Variants in GATM observed in about 807,000 individuals in gnomAD.
The protein encoded by GATM is glycine amidinotransferase, mitochondrial.
GATM carries 23 observed loss-of-function variants against 54.2 expected under a neutral mutation model. The observed-to-expected ratio is 0.42, with a 90% CI of 0.31 to 0.60. The LOEUF is 0.60. Among genes scored for constraint, GATM ranks in the 20% least tolerant of loss-of-function variants. The probability of loss-of-function intolerance (pLI) is 0.14; values close to 1 mark genes in which losing one functional copy is unlikely to be tolerated. For synonymous variants in GATM, 168 were observed against 183.1 expected, an observed-to-expected ratio of 0.92 and a Z score of 0.67; for missense variants, 401 against 544.9, an observed-to-expected ratio of 0.74 and a Z score of 2.63.
At chr15:45,395,628 C>T (rs1465046050) in intron 3 of GATM, among the ~76,000 whole-genome samples, 1 of 152,084 alleles carries the variant, frequency 6.6e-6, no homozygotes, top group Non-Finnish European at 1.5e-5. Context: ...GACAGTGCTA[C>T]AGGACCTCAG....
intron 3 of GATM, among the ~76,000 whole-genome samples, chr15:45,387,859 A>G (rs1217404355): frequency 6.6e-6 from 1 of 152,194 alleles, no homozygotes; most frequent in Non-Finnish European, 1.5e-5. Context: ...TGCTGAGATA[A>G]ATTCTCAGTG....
intron 4 of GATM, 33 bp from the exon 5 acceptor site, chr15:45,366,541 A>T: frequency 6.2e-7 from 1 of 1,612,520 alleles, no homozygotes. Context: ...CACACAATGC[A>T]CTGGATCATG....
At chr15:45,370,706 CTCAA>C (rs1889528362) in intron 2 of GATM, among the ~76,000 whole-genome samples, 1 of 152,188 alleles carries the variant, frequency 6.6e-6, no homozygotes, top group African/African-American at 2.4e-5. Flanking sequence ...TTTAAAATGG[CTCAA>C]TCAGTTTGCT....
Position 45,366,158 on chromosome 15 carries a change from T to C in GATM, c.866A>G (p.Tyr289Cys). ...TTTAAAGGAGATGATATGCACTCTG[T>C]AGTCTGGAGCAAGATGCCTACGCAT... ...EWMRRHLAPD[Y>C]RVHIISFKDP... The change falls in exon 6 of 9, where the codon TAC (tyrosine) becomes TGC (cysteine). Residue 289 changes from tyrosine (Y) to cysteine (C), a missense_variant. Transcript: ENST00000396659. 3 of 1,614,076 alleles carry C rather than the reference T, an allele frequency of 1.9e-6. No homozygotes were observed. The highest frequency in any genetic ancestry group is 1.1e-5 in the South Asian group (1 of 91,080).
At chr15:45,372,955 T>G (rs777484875) in intron 2 of GATM, among the ~76,000 whole-genome samples, 4 of 152,266 alleles carry the variant, frequency 2.6e-5, no homozygotes, top group African/African-American at 4.8e-5. Context: ...TAGCATATGA[T>G]GCTTTTAATA....
At chr15:45,383,572 G>T (rs1889770539) in intron 3 of GATM, among the ~76,000 whole-genome samples, 1 of 150,334 alleles carries the variant, frequency 6.7e-6, no homozygotes, top group Admixed American at 6.7e-5. Flanking sequence ...AAAGGCAAAG[G>T]CCAACCCATT....
In GATM at chr15:45,362,285, A is replaced by T. The variant is rs558420862; in HGVS notation, c.1160-64T>A. On this transcript the variant is annotated intron_variant, in intron 8 of 8. Transcript: ENST00000396659. Reference sequence around the variant, plus strand: ...ACATGACGATTCTCATAGAGAAAGTAGGCCTACAGACTTGGAGGAGTCCTG... The same window carrying T: ...ACATGACGATTCTCATAGAGAAAGTTGGCCTACAGACTTGGAGGAGTCCTG... 5.0e-6 allele frequency: 5 copies of T among 996,882 alleles called. No individual in the cohort carries two copies. In the African/African-American group the frequency reaches 6.4e-5, roughly 13 times the overall value. The allele number at this position is 996,882 out of a possible 1,614,324, so 61.8% of individuals were successfully genotyped here.
Position 45,371,229 on chromosome 15 carries a change from CCAAT to C in GATM, c.289-1712_289-1709del, listed in dbSNP as rs548648739. Among the ~76,000 whole-genome samples, 26 of 152,236 alleles carry C rather than the reference CCAAT, an allele frequency of 1.7e-4. No individual in the cohort carries two copies. In the South Asian group the frequency reaches 3.9e-3, roughly 23 times the overall value. ...TTTTCAAGCTAAATGAAGCAGAACG[CCAAT>C]CAGAGAATCCAGACTCTAAGAAAAA... On this transcript the variant is annotated intron_variant, in intron 2 of 8. Transcript: ENST00000396659.
chr15:45,366,175 C>G lies in GATM; in HGVS notation c.849G>C (p.Arg283Ser). The G allele has an allele frequency of 6.2e-7, 1 of 1,614,042 alleles. No homozygotes were observed. The highest frequency in any genetic ancestry group is 1.3e-5 in the African/African-American group (1 of 75,018). ...GCACTCTGTAGTCTGGAGCAAGATGCCTACGCATCCATTCAATGCCTAGGT... is the reference window on the plus strand; with the variant it reads ...GCACTCTGTAGTCTGGAGCAAGATGGCTACGCATCCATTCAATGCCTAGGT... ...TNYLGIEWMR[R>S]HLAPDYRVHI... The change falls in exon 6 of 9, where the codon AGG (arginine) becomes AGC (serine). Residue 283 changes from arginine to serine, a missense_variant. Arg to Ser is a moderately radical substitution (Grantham distance 110, BLOSUM62 -1). Coordinates refer to ENST00000396659, the MANE Select transcript of GATM (RefSeq NM_001482.3).
chr15:45,371,667 G>A (rs1477059330), intron 2 of GATM, among the ~76,000 whole-genome samples: 5 of 152,164 alleles, frequency 3.3e-5, no homozygotes, highest in East Asian at 3.9e-4. Flanking sequence ...ATCTGGACAA[G>A]CAGGACTAGA....
At chr15:45,394,293 A>G (rs1313098825) in intron 3 of GATM, among the ~76,000 whole-genome samples, 1 of 152,212 alleles carries the variant, frequency 6.6e-6, no homozygotes, top group African/African-American at 2.4e-5. Context: ...TTTAATGCCT[A>G]TCTGATGATC....
intron 3 of GATM, among the ~76,000 whole-genome samples, chr15:45,391,203 G>C (rs1305311920): frequency 1.3e-5 from 2 of 150,402 alleles, no homozygotes; most frequent in Non-Finnish European, 2.9e-5. Flanking sequence ...TCAGAAGTTT[G>C]AGACCAGCCT....
At chr15:45,383,506 T>C (rs957087280), upstream of GATM, among the ~76,000 whole-genome samples, 5 of 152,196 alleles carry the variant, frequency 3.3e-5, no homozygotes, top group African/African-American at 1.2e-4. Flanking sequence ...CAAATACCCT[T>C]CTGGAATTTA....
chr15:45,372,189 T>C (rs539183548), intron 2 of GATM, among the ~76,000 whole-genome samples: 2 of 152,248 alleles, frequency 1.3e-5, no homozygotes, highest in Non-Finnish European at 2.9e-5. Flanking sequence ...GTATTGTCTA[T>C]GGCTGCTTTT....
upstream of GATM, chr15:45,378,557 G>C: frequency 1.2e-6 from 1 of 856,540 alleles, no homozygotes; most frequent in Non-Finnish European, 1.6e-6. Flanking sequence ...GCGGGCGCGC[G>C]GGGCCCGAGG....
Position 45,391,821 on chromosome 15 carries a change from A to C in GATM, c.-319+5101T>G, listed in dbSNP as rs1004780999. 2.6e-5 allele frequency among the ~76,000 whole-genome samples: 4 copies of C among 152,244 alleles called. No homozygotes were observed. In the East Asian group the frequency reaches 5.8e-4, roughly 22 times the overall value. The stretch of plus-strand genomic sequence containing the variant: ...GAAAAACTGCCAATTGCTGCCTAAA[A>C]AATTTTCAAGTTCTTCTGCTAAAGA... On this transcript the variant is annotated intron_variant, in intron 3 of 4. Transcript: ENST00000561148.
At chr15:45,390,206 G>A (rs1056786856) in intron 3 of GATM, among the ~76,000 whole-genome samples, 29 of 152,188 alleles carry the variant, frequency 1.9e-4, no homozygotes, top group Non-Finnish European at 7.4e-5. Context: ...CCAGTCCATA[G>A]GTCACATGCT....
At chr15:45,362,947 A>T (rs1362689047) in intron 8 of GATM, among the ~76,000 whole-genome samples, 1 of 152,216 alleles carries the variant, frequency 6.6e-6, no homozygotes, top group Admixed American at 6.5e-5. Context: ...TAAAGGGTCC[A>T]TTGGTATAGC....
rs765462268 is a variant in GATM, at chr15:45,376,708, G to C, written c.181C>G (p.Pro61Ala). Residue 61 changes from proline (P) to alanine (A), a missense_variant, in exon 2 of 9, where the codon CCC becomes GCC. By Grantham distance (27) the Pro-to-Ala change is conservative. Around this residue, in one of 3 missense-constraint regions of GATM, gnomAD observed 70 missense variants for 61.5 expected, o/e 1.14. Transcript: ENST00000396659. Reference protein sequence around the residue: ...AADDKATEPLPKDCPVSSYNE... With the variant: ...AADDKATEPLAKDCPVSSYNE... ...TAAGAAGAGACAGGGCAGTCCTTGG[G>C]CAGAGGCTCAGTGGCTTTGTCGTCA... 1.9e-6 allele frequency: 3 copies of C among 1,614,194 alleles called. No homozygotes were observed. In the South Asian group the frequency reaches 3.3e-5, roughly 18 times the overall value.
Sources: gnomAD v4.1 joint callset for allele counts (sites outside exome capture counted in the v4.1 genomes callset) on GRCh38, gnomAD v4.1.1 for gene constraint, gnomAD v4.1.1 regional missense constraint, MANE v1.5 for transcripts, NCBI Gene and HGNC (gene_info 2026-07-23, HGNC 2026-07-21) for gene names.